Variants in VPS41 observed in about 807,000 individuals in gnomAD.
VPS41 encodes vacuolar protein sorting-associated protein 41 homolog.
VPS41 carries 85 observed loss-of-function variants against 130.9 expected under a neutral mutation model. The observed-to-expected ratio is 0.65, with a 90% CI of 0.55 to 0.78. The LOEUF (loss-of-function observed/expected upper bound fraction) is 0.78. VPS41 is among the 30% of genes least tolerant of loss of function. The pLI, the probability that VPS41 is intolerant of heterozygous loss-of-function variation, is 0.00. For synonymous variants in VPS41, 335 were observed against 332.9 expected (o/e 1.01, Z -0.07); for missense variants, 874 against 1,018.7 (o/e 0.86, Z 1.93).
chr7:38,857,980 T>C (rs569188871), intron 4 of VPS41, among the ~76,000 whole-genome samples: 9 of 152,300 alleles, frequency 5.9e-5, no homozygotes, highest in African/African-American at 1.9e-4. Flanking sequence ...AGTTAAGTTA[T>C]CAGCAGAAAG....
At chr7:38,802,874 T>C (rs1302166975) in intron 7 of VPS41, among the ~76,000 whole-genome samples, 1 of 152,234 alleles carries the variant, frequency 6.6e-6, no homozygotes, top group Non-Finnish European at 1.5e-5. Flanking sequence ...TTCCATACCC[T>C]GTAATATTGA....
chr7:38,868,644 G>A (rs1198684467), intron 3 of VPS41, among the ~76,000 whole-genome samples: 4 of 152,098 alleles, frequency 2.6e-5, no homozygotes, highest in Non-Finnish European at 4.4e-5. Context: ...GCTTTGTTAC[G>A]GCAAGGACCC....
intron 14 of VPS41, among the ~76,000 whole-genome samples, chr7:38,770,099 G>C (rs62444123): frequency 1.5e-3 from 227 of 152,100 alleles, no homozygotes; most frequent in Non-Finnish European, 2.6e-3. Flanking sequence ...GAGAAGTCCC[G>C]TCTCTACTAA....
At chr7:38,763,819 A>G (rs1165527859) in intron 16 of VPS41, among the ~76,000 whole-genome samples, 1 of 152,216 alleles carries the variant, frequency 6.6e-6, no homozygotes, top group Non-Finnish European at 1.5e-5. Context: ...GTTAATAGAA[A>G]TCTAAATAAT....
At chr7:38,754,515 C>T (rs973028455) in intron 21 of VPS41, among the ~76,000 whole-genome samples, 187 bp downstream of exon 21, 1 of 152,054 alleles carries the variant, frequency 6.6e-6, no homozygotes, top group African/African-American at 2.4e-5. Context: ...ACAATTAATC[C>T]CTGACCTTGA....
chr7:38,797,053 AG>A (rs2115989881), intron 7 of VPS41, 189 bp from the exon 8 acceptor site: 1 of 644,404 alleles, frequency 1.6e-6, no homozygotes, highest in East Asian at 3.0e-5. Context: ...TATTCTCCCC[AG>A]GAAGTTGTTT....
At chr7:38,770,380 C>A (rs1784133012) in intron 14 of VPS41, among the ~76,000 whole-genome samples, 2 of 151,740 alleles carry the variant, frequency 1.3e-5, no homozygotes, top group Non-Finnish European at 2.9e-5. Flanking sequence ...AATGCATTCT[C>A]TTCCATTTCT....
chr7:38,866,241 C>T (rs933243320), intron 3 of VPS41, among the ~76,000 whole-genome samples: 4 of 152,110 alleles, frequency 2.6e-5, no homozygotes, highest in African/African-American at 9.7e-5. Flanking sequence ...ACAACATTAA[C>T]GAGCTCAGGT....
At chr7:38,843,301 C>T (rs758617018) in intron 4 of VPS41, among the ~76,000 whole-genome samples, 37 of 152,098 alleles carry the variant, frequency 2.4e-4, no homozygotes, top group Admixed American at 1.0e-3. Flanking sequence ...CAATCATGTC[C>T]CCGTGACACT....
intron 4 of VPS41, among the ~76,000 whole-genome samples, chr7:38,844,525 T>C (rs1409373026): frequency 1.3e-5 from 2 of 151,888 alleles, no homozygotes; most frequent in East Asian, 1.9e-4. Context: ...TTGGAAATAA[T>C]CTAAAAAAAA....
chr7:38,877,029 C>T (rs1009726723), intron 2 of VPS41, among the ~76,000 whole-genome samples: 4 of 152,146 alleles, frequency 2.6e-5, no homozygotes, highest in African/African-American at 7.2e-5. Context: ...GGACAATTTC[C>T]GCCACTAAAG....
rs116243394 is a variant in VPS41 at position 38,905,135 on chromosome 7, C to G, written c.21+4019G>C. Among the ~76,000 whole-genome samples, 856 of 152,230 alleles carry G rather than the reference C, an allele frequency of 5.6e-3. 8 individuals are homozygous for G. Among genetic ancestry groups the G allele is most frequent in the African/African-American group, 0.02 (814 of 41,512 alleles). ...CTAATAAATTCATTTAAACACTTTACTAAACACTTAGTACCTATAAAGCAC... is the reference window on the plus strand; with the variant it reads ...CTAATAAATTCATTTAAACACTTTAGTAAACACTTAGTACCTATAAAGCAC... On this transcript the variant is annotated intron_variant, in intron 1 of 28. Transcript: ENST00000310301.
At chr7:38,830,549 C>G (rs995662578) in intron 4 of VPS41, among the ~76,000 whole-genome samples, 1 of 152,104 alleles carries the variant, frequency 6.6e-6, no homozygotes, top group Non-Finnish European at 1.5e-5. Flanking sequence ...AAATATTTAG[C>G]CTTAAAATGG....
chr7:38,878,731 T>C (rs1316431245), intron 2 of VPS41, among the ~76,000 whole-genome samples: 2 of 151,132 alleles, frequency 1.3e-5, no homozygotes, highest in Non-Finnish European at 2.9e-5. Context: ...CAACACTTGT[T>C]TCTGATCTTA....
At chr7:38,728,629 C>A in intron 26 of VPS41, 43 bp from the exon 27 acceptor site, 3 of 1,613,930 alleles carry the variant, frequency 1.9e-6, no homozygotes, top group South Asian at 1.1e-5. Flanking sequence ...CCTGTTTATA[C>A]CTGCTTGGCC....
chr7:38,864,106 C>T (rs1350838474), intron 3 of VPS41, among the ~76,000 whole-genome samples: 1 of 152,222 alleles, frequency 6.6e-6, no homozygotes, highest in Non-Finnish European at 1.5e-5. Context: ...TAAAAGCTCA[C>T]TGCTCCCCAA....
intron 2 of VPS41, among the ~76,000 whole-genome samples, chr7:38,879,790 C>T (rs113853964): frequency 1.3e-5 from 2 of 151,936 alleles, no homozygotes; most frequent in East Asian, 3.9e-4. Context: ...CTCACTCCCC[C>T]ACTGCGCACA....
intron 27 of VPS41, chr7:38,728,235 T>C (rs1795586777): frequency 5.4e-6 from 3 of 552,430 alleles, no homozygotes; most frequent in East Asian, 3.2e-5. Flanking sequence ...GTTAGAAATA[T>C]ACATTCTCAG....
intron 4 of VPS41, among the ~76,000 whole-genome samples, chr7:38,834,650 C>T (rs1785456996): frequency 6.6e-6 from 1 of 152,130 alleles, no homozygotes; most frequent in African/African-American, 2.4e-5. Context: ...TGTTTTACTA[C>T]ACGTTTTATG....
Sources: allele counts gnomAD v4.1 joint callset (sites outside exome capture counted in the v4.1 genomes callset), GRCh38; gene constraint gnomAD v4.1.1; transcripts MANE v1.5; gene names NCBI Gene and HGNC (gene_info 2026-07-23, HGNC 2026-07-21).